Variants in GALNTL6 observed in about 807,000 individuals in gnomAD.
The protein encoded by GALNTL6 is polypeptide N-acetylgalactosaminyltransferase-like 6.
GALNTL6 carries 46 observed loss-of-function variants against 73.7 expected under a neutral mutation model. The ratio of observed to expected loss-of-function variants is 0.62; its 90% CI spans 0.49 to 0.80. The LOEUF (loss-of-function observed/expected upper bound fraction) is 0.80, where lower values mean the gene tolerates loss of function less well. Ranked by LOEUF, GALNTL6 falls within the 30% of genes least tolerant of loss-of-function variation. GALNTL6 has a pLI of 0.00. For missense variants in GALNTL6, 604 were observed against 755.0 expected (o/e 0.80, Z 2.34); for synonymous variants, 259 against 263.7 (o/e 0.98, Z 0.17).
intron 8 of GALNTL6, among the ~76,000 whole-genome samples, chr4:172,888,776 T>C (rs569838168): frequency 6.6e-6 from 1 of 152,338 alleles, no homozygotes; most frequent in East Asian, 1.9e-4. Flanking sequence ...TGAGAATAGT[T>C]TTTTTCTAAT....
chr4:172,773,512 A>C (rs1738896410), intron 5 of GALNTL6, among the ~76,000 whole-genome samples: 1 of 152,116 alleles, frequency 6.6e-6, no homozygotes, highest in Non-Finnish European at 1.5e-5. Context: ...GACCTTAGTA[A>C]AGAACTGAGG....
chr4:171,933,996 T>C (rs1271432002), intron 2 of GALNTL6, among the ~76,000 whole-genome samples: 1 of 152,220 alleles, frequency 6.6e-6, no homozygotes, highest in Non-Finnish European at 1.5e-5. Flanking sequence ...TTTTAAAATT[T>C]ACATTCCTGG....
intron 2 of GALNTL6, among the ~76,000 whole-genome samples, chr4:171,957,260 G>A (rs1250949866): frequency 1.3e-5 from 2 of 152,192 alleles, no homozygotes; most frequent in Non-Finnish European, 2.9e-5. Context: ...TTAATAACAT[G>A]AATGAATAGC....
intron 3 of GALNTL6, among the ~76,000 whole-genome samples, chr4:172,268,828 A>G (rs1296638794): frequency 6.6e-6 from 1 of 152,228 alleles, no homozygotes; most frequent in East Asian, 1.9e-4. Context: ...GGCGACTTCT[A>G]CAACCCAGGA....
intron 8 of GALNTL6, among the ~76,000 whole-genome samples, chr4:172,926,141 C>T (rs1748046316): frequency 1.3e-5 from 2 of 152,092 alleles, no homozygotes; most frequent in Non-Finnish European, 2.9e-5. Flanking sequence ...GGGCCCTCTA[C>T]CAGGTTGCAG....
intron 3 of GALNTL6, among the ~76,000 whole-genome samples, chr4:172,295,676 A>G (rs1450175188): frequency 6.6e-6 from 1 of 151,172 alleles, no homozygotes; most frequent in African/African-American, 2.4e-5. Flanking sequence ...TTTTTCAAAT[A>G]CATTTTTAAT....
At chr4:172,268,271 G>A (rs1738517182) in intron 3 of GALNTL6, among the ~76,000 whole-genome samples, 2 of 152,122 alleles carry the variant, frequency 1.3e-5, no homozygotes, top group Admixed American at 1.3e-4. Flanking sequence ...GAGAAAGATT[G>A]GCATGCAGGA....
chr4:172,463,333 A>G (rs1732682513), intron 5 of GALNTL6, among the ~76,000 whole-genome samples: 1 of 151,948 alleles, frequency 6.6e-6, no homozygotes, highest in Non-Finnish European at 1.5e-5. Context: ...AAAATGAGAG[A>G]CAGAAAAAAA....
chr4:172,424,428 T>C (rs1370408886), intron 5 of GALNTL6, among the ~76,000 whole-genome samples: 1 of 152,166 alleles, frequency 6.6e-6, no homozygotes, highest in Non-Finnish European at 1.5e-5. Flanking sequence ...TGTGGCATGT[T>C]AATATACAGA....
intron 12 of GALNTL6, among the ~76,000 whole-genome samples, chr4:173,032,035 G>A (rs1191760813): frequency 6.6e-6 from 1 of 152,190 alleles, no homozygotes; most frequent in African/African-American, 2.4e-5. Context: ...CTTGTGCAAG[G>A]CCCTGAGATA....
At chr4:172,714,435 A>C (rs2111335480) in intron 5 of GALNTL6, among the ~76,000 whole-genome samples, 1 of 152,268 alleles carries the variant, frequency 6.6e-6, no homozygotes, top group Admixed American at 6.5e-5. Flanking sequence ...TAAGAATCAT[A>C]ATGATCGTAA....
intron 10 of GALNTL6, among the ~76,000 whole-genome samples, chr4:173,001,092 G>T (rs190997192): frequency 6.6e-6 from 1 of 152,258 alleles, no homozygotes; most frequent in Non-Finnish European, 1.5e-5. Context: ...GCAGAAACCA[G>T]CATGATATGT....
At chr4:172,212,427 CAGATT>C (rs1424729492) in intron 2 of GALNTL6, among the ~76,000 whole-genome samples, 3 of 151,972 alleles carry the variant, frequency 2.0e-5, no homozygotes, top group Non-Finnish European at 4.4e-5. Context: ...CCAAAGCGCT[CAGATT>C]AGAGGCATGA....
At chr4:172,933,646 A>T (rs1057358987) in intron 9 of GALNTL6, among the ~76,000 whole-genome samples, 2 of 152,144 alleles carry the variant, frequency 1.3e-5, no homozygotes, top group African/African-American at 2.4e-5. Flanking sequence ...GGTTTTTTTA[A>T]GTTAAAAAAA....
chr4:171,858,954 A>T (rs1735759486), intron 2 of GALNTL6, among the ~76,000 whole-genome samples: 1 of 152,166 alleles, frequency 6.6e-6, no homozygotes, highest in Non-Finnish European at 1.5e-5. Flanking sequence ...AATAACATTA[A>T]TTTTTGCAGA....
chr4:172,369,709 C>T (rs1265473118), intron 5 of GALNTL6, among the ~76,000 whole-genome samples: 1 of 152,174 alleles, frequency 6.6e-6, no homozygotes, highest in East Asian at 1.9e-4. Flanking sequence ...AGATGCTGGC[C>T]CAGGTGCTAA....
chr4:172,156,112 G>C, intron 2 of GALNTL6, among the ~76,000 whole-genome samples: 1 of 118,444 alleles, frequency 8.4e-6, no homozygotes, highest in East Asian at 2.0e-4. Flanking sequence ...TGGCGTCAGC[G>C]TCAAGTGAGG....
At chr4:172,926,640 CAA>C (rs1295767115) in intron 8 of GALNTL6, among the ~76,000 whole-genome samples, 1 of 152,138 alleles carries the variant, frequency 6.6e-6, no homozygotes, top group Non-Finnish European at 1.5e-5. Context: ...TTGTGAAAAA[CAA>C]AAGGCTGTGC....
chr4:172,692,534 A>G (rs1413740953), intron 5 of GALNTL6, among the ~76,000 whole-genome samples: 1 of 152,122 alleles, frequency 6.6e-6, no homozygotes, highest in Non-Finnish European at 1.5e-5. Context: ...ATTATGTGTG[A>G]AAATTATATG....
Sources: allele counts gnomAD v4.1 joint callset (sites outside exome capture counted in the v4.1 genomes callset), GRCh38; gene constraint gnomAD v4.1.1; transcripts MANE v1.5; gene names NCBI Gene and HGNC (gene_info 2026-07-23, HGNC 2026-07-21).